The following DGKG variants were observed in gnomAD, a reference collection of about 807,000 sequenced individuals.
The protein encoded by DGKG is diacylglycerol kinase gamma.
DGKG carries 78 observed loss-of-function variants against 105.3 expected under a neutral mutation model. That is an observed-to-expected ratio of 0.74 (90% confidence interval 0.62 to 0.89). The LOEUF (loss-of-function observed/expected upper bound fraction) is 0.89, where lower values mean the gene tolerates loss of function less well. Among genes scored for constraint, DGKG ranks in the 40% least tolerant of loss-of-function variants. The pLI is 0.00. For missense variants in DGKG, 958 were observed against 1,020.1 expected, an observed-to-expected ratio of 0.94 and a Z score of 0.83; for synonymous variants, 346 against 367.1, an observed-to-expected ratio of 0.94 and a Z score of 0.66.
At chr3:186,216,419 T>C (rs1380289654) in intron 20 of DGKG, among the ~76,000 whole-genome samples, 2 of 152,166 alleles carry the variant, frequency 1.3e-5, no homozygotes, top group Non-Finnish European at 2.9e-5. Context: ...CTCAGGCACT[T>C]TTTGGCTAGA....
intron 2 of DGKG, 149 bp downstream of exon 2, chr3:186,320,244 A>T: frequency 1.1e-6 from 1 of 916,916 alleles, no homozygotes; most frequent in Non-Finnish European, 1.6e-6. Flanking sequence ...TGTTAAATAC[A>T]CTAATTCTGT....
At chr3:186,154,671 A>G (rs938264058) in intron 24 of DGKG, among the ~76,000 whole-genome samples, 2 of 151,458 alleles carry the variant, frequency 1.3e-5, no homozygotes, top group African/African-American at 2.4e-5. Context: ...AAAGAAAAGA[A>G]AAAGAAAAAA....
In DGKG at chr3:186,360,232, C is replaced by G. The variant is rs543816005; in HGVS notation, c.-249+1714G>C. Among the ~76,000 whole-genome samples the G allele has an allele frequency of 9.9e-5, 15 of 152,194 alleles. No individual in the cohort carries two copies. The South Asian group carries it at 3.1e-3, about 32-fold the overall frequency. Reference sequence around the variant, plus strand: ...ATCTCTGAGAGTCTAGATTTCAAGACACGCTGATGTTTGTCGTTTTCTCCC... The same window carrying G: ...ATCTCTGAGAGTCTAGATTTCAAGAGACGCTGATGTTTGTCGTTTTCTCCC... On this transcript the variant is annotated intron_variant, in intron 1 of 24. Transcript: ENST00000265022.
At chr3:186,269,089 C>G (rs1476199627) in intron 11 of DGKG, among the ~76,000 whole-genome samples, 172 bp from the exon 12 acceptor site, 1 of 152,226 alleles carries the variant, frequency 6.6e-6, no homozygotes, top group African/African-American at 2.4e-5. Flanking sequence ...CGATGTGGTT[C>G]CTCCCTGCCT....
chr3:186,261,497 A>C (rs7626063), intron 15 of DGKG, among the ~76,000 whole-genome samples: 41,589 of 152,004 alleles, frequency 0.27, 5,694 homozygotes, highest in South Asian at 0.3. Context: ...GAGAGGAGGA[A>C]TGATAATTAT....
intron 22 of DGKG, among the ~76,000 whole-genome samples, chr3:186,175,454 A>G (rs1237236118): frequency 1.3e-5 from 2 of 152,118 alleles, no homozygotes; most frequent in African/African-American, 4.8e-5. Context: ...AAGGCGCTGT[A>G]TGTTGTGGGA....
chr3:186,286,017 G>C (rs1389508638), intron 6 of DGKG, among the ~76,000 whole-genome samples: 1 of 152,152 alleles, frequency 6.6e-6, no homozygotes, highest in Non-Finnish European at 1.5e-5. Context: ...CATCATGCCT[G>C]CTTTCTCTGC....
chr3:186,355,594 C>T (rs568478271), intron 1 of DGKG, among the ~76,000 whole-genome samples: 4 of 151,664 alleles, frequency 2.6e-5, no homozygotes, highest in East Asian at 1.9e-4. Flanking sequence ...ATCACCCCAC[C>T]ACTACCACCA....
intron 9 of DGKG, chr3:186,279,213 C>G (rs976798538): frequency 2.6e-5 from 4 of 152,206 alleles, no homozygotes; most frequent in African/African-American, 9.7e-5. Context: ...TCTTCAGGGA[C>G]AAGTCAACAC....
chr3:186,250,112 C>T (rs951339358), intron 19 of DGKG, among the ~76,000 whole-genome samples: 1 of 152,032 alleles, frequency 6.6e-6, no homozygotes, highest in African/African-American at 2.4e-5. Context: ...CACCACCATG[C>T]GAGTCAAGGG....
In DGKG at chr3:186,302,507, CATATGTGT is replaced by C. The variant is rs1724002129; in HGVS notation, c.145-4286_145-4279del. Reference sequence around the variant, plus strand: ...ATATATATATATATATATATATATACATATGTGTATATATATATATATATACATATGTA... The same window carrying C: ...ATATATATATATATATATATATATACATATATATATATATATACATATGTA... On this transcript the variant is annotated intron_variant, in intron 3 of 24. Transcript: ENST00000265022. Among the ~76,000 whole-genome samples the C allele has an allele frequency of 1.0e-3, 12 of 11,474 alleles. No individual in the cohort carries two copies. In the South Asian group the frequency reaches 0.044, roughly 42 times the overall value. The allele number at this position is 11,474 out of a possible 152,430, so 7.5% of individuals were successfully genotyped here. A position where few individuals can be genotyped will look rare whatever the true frequency, so the allele number is the denominator to read the frequency against.
intron 22 of DGKG, among the ~76,000 whole-genome samples, chr3:186,177,282 C>T (rs924041193): frequency 3.9e-5 from 6 of 152,218 alleles, no homozygotes; most frequent in Non-Finnish European, 7.3e-5. Flanking sequence ...CTCCATCTTC[C>T]GGTCTTTGCT....
chr3:186,332,529 G>A (rs1451431305), intron 1 of DGKG, among the ~76,000 whole-genome samples: 3 of 152,148 alleles, frequency 2.0e-5, no homozygotes, highest in African/African-American at 7.2e-5. Flanking sequence ...CTCATGCCCT[G>A]TGTCAGGGAG....
chr3:186,206,893 G>T (rs1489148918), intron 21 of DGKG, among the ~76,000 whole-genome samples: 1 of 152,178 alleles, frequency 6.6e-6, no homozygotes, highest in African/African-American at 2.4e-5. Context: ...GGGATTGTAG[G>T]CATGTGCCAC....
chr3:186,250,913 C>T (rs1335676433), intron 19 of DGKG, among the ~76,000 whole-genome samples: 1 of 151,598 alleles, frequency 6.6e-6, no homozygotes, highest in South Asian at 2.1e-4. Flanking sequence ...CCCCTCCCAA[C>T]CCCCAGCTTC....
At chr3:186,304,252 G>T (rs1000345213) in intron 3 of DGKG, among the ~76,000 whole-genome samples, 5 of 152,222 alleles carry the variant, frequency 3.3e-5, no homozygotes, top group Admixed American at 6.5e-5. Flanking sequence ...AGCTGGGGGT[G>T]GGGGGTGTGG....
intron 22 of DGKG, among the ~76,000 whole-genome samples, chr3:186,187,374 G>A (rs1256762759): frequency 2.6e-5 from 4 of 152,216 alleles, no homozygotes; most frequent in African/African-American, 9.6e-5. Flanking sequence ...GCTGTGAGCC[G>A]TGAGATAAAA....
chr3:186,167,760 T>TTCACTCACTCACTCAC (rs56211107), intron 22 of DGKG, among the ~76,000 whole-genome samples: 4 of 150,602 alleles, frequency 2.7e-5, no homozygotes, highest in Non-Finnish European at 5.9e-5. Context: ...AAAACAGGAA[T>TTCACTCACTCACTCAC]TCACTCACTC....
At chr3:186,211,031 G>T (rs1578670603) in intron 21 of DGKG, among the ~76,000 whole-genome samples, 1 of 152,206 alleles carries the variant, frequency 6.6e-6, no homozygotes, top group South Asian at 2.1e-4. Flanking sequence ...AGGGTGGGAA[G>T]TGGGCAGCTT....
Sources: allele counts gnomAD v4.1 joint callset (sites outside exome capture counted in the v4.1 genomes callset), GRCh38; gene constraint gnomAD v4.1.1; transcripts MANE v1.5; gene names NCBI Gene and HGNC (gene_info 2026-07-23, HGNC 2026-07-21).